PMFBP1: variants seen among roughly 807,000 people sequenced by gnomAD.
PMFBP1 encodes polyamine-modulated factor 1-binding protein 1.
A neutral mutation model predicts 137.8 loss-of-function variants in PMFBP1; 131 were observed. The ratio of observed to expected loss-of-function variants is 0.95; its 90% confidence interval spans 0.82 to 1.10. The LOEUF is 1.10. Ranked by LOEUF, PMFBP1 falls within the 50% of genes least tolerant of loss-of-function variation. PMFBP1 has a pLI of 0.00. For synonymous variants in PMFBP1, 490 were observed against 450.4 expected (o/e 1.09, Z -1.11); for missense variants, 1,199 against 1,175.4 (o/e 1.02, Z -0.29).
chr16:72,237,070 G>A, the PMFBP1 span, among the ~76,000 whole-genome samples: 1 of 152,124 alleles, frequency 6.6e-6, no homozygotes, highest in Non-Finnish European at 1.5e-5. Flanking sequence ...CAAGTTACCT[G>A]TTCCCACATG....
At chr16:72,124,589 G>A (rs192689886) in intron 17 of PMFBP1, among the ~76,000 whole-genome samples, 178 bp downstream of exon 17, 4 of 152,320 alleles carry the variant, frequency 2.6e-5, no homozygotes, top group African/African-American at 7.2e-5. Context: ...AAAGCCACAA[G>A]AACACAGGTG....
At chr16:72,173,881 G>T (rs1045513122), upstream of PMFBP1, 1 of 152,282 alleles carries the variant, frequency 6.6e-6, no homozygotes, top group Admixed American at 6.5e-5. Context: ...CTGAAGCCAG[G>T]ACTTTGCTCA....
intron 7 of PMFBP1, among the ~76,000 whole-genome samples, chr16:72,137,382 A>C (rs2042647987): frequency 6.6e-6 from 1 of 152,186 alleles, no homozygotes; most frequent in African/African-American, 2.4e-5. Context: ...GTAGTGACTT[A>C]TAGAAAATGT....
At chr16:72,185,083 GTGCAATCTTGGCTCAC>G in the PMFBP1 span, among the ~76,000 whole-genome samples, 1 of 151,798 alleles carries the variant, frequency 6.6e-6, no homozygotes, top group Non-Finnish European at 1.5e-5. Context: ...GAGTGCAGTG[GTGCAATCTTGGCTCAC>G]TGCAACCTCT....
intron 19 of PMFBP1, among the ~76,000 whole-genome samples, chr16:72,122,636 T>C (rs1322897056): frequency 6.6e-6 from 1 of 152,220 alleles, no homozygotes; most frequent in African/African-American, 2.4e-5. Context: ...GCCTGTTCCC[T>C]GCTTAGCACC....
intron 3 of PMFBP1, among the ~76,000 whole-genome samples, chr16:72,161,573 T>C (rs561969357): frequency 6.6e-6 from 1 of 152,246 alleles, no homozygotes; most frequent in East Asian, 1.9e-4. Context: ...AAAAAAAGTA[T>C]TTTAGAATAA....
At chr16:72,221,266 C>T in the PMFBP1 span, among the ~76,000 whole-genome samples, 36 of 152,238 alleles carry the variant, frequency 2.4e-4, no homozygotes, top group East Asian at 6.6e-3. Flanking sequence ...ACCTCATTAA[C>T]ACCCGCCTCC....
intron 19 of PMFBP1, among the ~76,000 whole-genome samples, chr16:72,121,762 C>T (rs1421865618): frequency 6.6e-6 from 1 of 152,144 alleles, no homozygotes; most frequent in African/African-American, 2.4e-5. Context: ...TTAGCTGGGA[C>T]TGTACGTGTG....
chr16:72,164,408 A>T (rs1480673682), intron 3 of PMFBP1: 5 of 1,311,282 alleles, frequency 3.8e-6, no homozygotes, highest in African/African-American at 1.5e-5. Flanking sequence ...TTCATGGTTG[A>T]CTTAGAAGTT....
intron 9 of PMFBP1, among the ~76,000 whole-genome samples, chr16:72,133,519 C>T (rs1347479558): frequency 6.6e-6 from 1 of 152,132 alleles, no homozygotes; most frequent in Non-Finnish European, 1.5e-5. Context: ...GAGGCACTCT[C>T]ACTCTGTTGC....
chr16:72,221,146 A>G, the PMFBP1 span, among the ~76,000 whole-genome samples: 5 of 152,158 alleles, frequency 3.3e-5, no homozygotes, highest in East Asian at 9.6e-4. Flanking sequence ...TCTCCATTCA[A>G]CAATAATCCT....
the PMFBP1 span, among the ~76,000 whole-genome samples, chr16:72,208,205 A>G: frequency 2.6e-5 from 4 of 152,230 alleles, no homozygotes; most frequent in African/African-American, 7.2e-5. Flanking sequence ...CTGTAGCCCA[A>G]TCGAGCTGAT....
At chr16:72,129,308 A>G (rs1012284550) in intron 12 of PMFBP1, 75 bp from the exon 13 acceptor site, 3 of 1,499,024 alleles carry the variant, frequency 2.0e-6, no homozygotes, top group African/African-American at 2.8e-5. Context: ...AGACAATTGC[A>G]CACAGGGCAT....
chr16:72,123,035 C>G (rs201301973), intron 18 of PMFBP1, 47 bp from the exon 19 acceptor site: 4 of 1,554,808 alleles, frequency 2.6e-6, no homozygotes, highest in Non-Finnish European at 3.5e-6. Context: ...GCCAGCCTCC[C>G]GCGAGCAAGG....
the PMFBP1 span, among the ~76,000 whole-genome samples, chr16:72,201,385 T>C: frequency 6.6e-6 from 1 of 152,254 alleles, no homozygotes; most frequent in Non-Finnish European, 1.5e-5. Context: ...ATTTTCATCA[T>C]ACATTTTCCT....
chr16:72,208,364 C>G, the PMFBP1 span, among the ~76,000 whole-genome samples: 1 of 123,310 alleles, frequency 8.1e-6, no homozygotes, highest in African/African-American at 3.4e-5. Context: ...GAATGGGCAG[C>G]AGGGTTACCC....
the PMFBP1 span, among the ~76,000 whole-genome samples, chr16:72,201,338 G>A: frequency 6.6e-6 from 1 of 152,216 alleles, no homozygotes; most frequent in Admixed American, 6.5e-5. Context: ...TTCAATTGGA[G>A]TTTGAGAGGT....
chr16:72,141,549 T>C (rs2042722741), intron 5 of PMFBP1, among the ~76,000 whole-genome samples: 1 of 152,248 alleles, frequency 6.6e-6, no homozygotes, highest in African/African-American at 2.4e-5. Context: ...TAAATTATGT[T>C]GGCTTTTTAA....
In PMFBP1 at chr16:72,135,180, T is replaced by G. The variant is rs117191519; in HGVS notation, c.1203+1268A>C. ...CTATCAACTGGATGATGATGATGAT[T>G]ATTATTATTATTTGAGACAGAGTTT... On this transcript the variant is annotated intron_variant, in intron 9 of 20. Transcript: ENST00000237353. Among the ~76,000 whole-genome samples, 313 of 152,066 alleles carry G rather than the reference T, an allele frequency of 2.1e-3. 7 individuals carry two copies. In the East Asian group the frequency reaches 0.038, roughly 19 times the overall value.
Sources: gnomAD v4.1 joint callset for allele counts (sites outside exome capture counted in the v4.1 genomes callset) on GRCh38, gnomAD v4.1.1 for gene constraint, MANE v1.5 for transcripts, NCBI Gene and HGNC (gene_info 2026-07-23, HGNC 2026-07-21) for gene names.